Variants in PYHIN1 observed in about 807,000 individuals in gnomAD.
PYHIN1 encodes the protein pyrin and HIN domain-containing protein 1.
PYHIN1 carries 32 observed loss-of-function variants against 43.7 expected under a neutral mutation model. The observed-to-expected ratio is 0.73, with a 90% confidence interval of 0.55 to 0.98. The LOEUF is 0.98. Among genes scored for constraint, PYHIN1 ranks in the 50% least tolerant of loss-of-function variants. The probability of loss-of-function intolerance (pLI) is 0.00; values close to 1 mark genes in which losing one functional copy is unlikely to be tolerated. For synonymous variants in PYHIN1, 205 were observed against 203.1 expected (o/e 1.01, Z -0.08); for missense variants, 588 against 589.5 (o/e 1.00, Z 0.03).
downstream of PYHIN1, among the ~76,000 whole-genome samples, chr1:158,979,807 G>A (rs1239608614): frequency 6.6e-6 from 1 of 151,992 alleles, no homozygotes; most frequent in Non-Finnish European, 1.5e-5. Context: ...TGCTGGGATT[G>A]GCATACAAAT....
Position 158,938,491 on chromosome 1 carries a change from C to T in PYHIN1, c.360C>T (p.Thr120=), listed in dbSNP as rs752959693. 4 of 1,614,094 alleles carry T rather than the reference C, an allele frequency of 2.5e-6. No individual in the cohort carries two copies. Among genetic ancestry groups the T allele is most frequent in the African/African-American group, 1.3e-5 (1 of 74,924 alleles). The change falls in exon 3 of 9, where the codon ACC becomes ACT. Residue 120 remains threonine, a synonymous_variant. Coordinates refer to ENST00000368140, the MANE Select transcript of PYHIN1 (RefSeq NM_152501.5). ...KEVYPATPAC[T]PSNRLTAKGA... is the part of the protein sequence containing the mutation. ...TGTATCCTGCTACACCTGCATGCAC[C>T]CCAAGCAACCGTCTCACAGCTAAAG... is the stretch of plus-strand genomic sequence containing the variant.
Position 158,943,933 on chromosome 1 carries a change from G to A in PYHIN1, c.1146G>A (p.Arg382=). 2 of 1,606,206 alleles carry A rather than the reference G, an allele frequency of 1.2e-6. No homozygotes were observed. Among genetic ancestry groups the A allele is most frequent in the Non-Finnish European group, 1.7e-6 (2 of 1,174,614 alleles). Residue 382 remains arginine, a synonymous_variant, in exon 6 of 9, where the codon AGG becomes AGA. Transcript: ENST00000368140. ...TCTTCTGCTTTCGACTGAGAAAGAG[G>A]GAAAATATGTCAAAACTGATGTCAG... The part of the protein sequence containing the change: ...LRLFCFRLRK[R]ENMSKLMSEM...
chr1:158,980,804 T>C (rs1651458647), downstream of PYHIN1, among the ~76,000 whole-genome samples: 1 of 152,172 alleles, frequency 6.6e-6, no homozygotes, highest in African/African-American at 2.4e-5. Context: ...TATGTGATCT[T>C]TGTTAGACCT....
At chr1:158,968,724 G>A in intron 7 of PYHIN1, among the ~76,000 whole-genome samples, 1 of 151,524 alleles carries the variant, frequency 6.6e-6, no homozygotes, top group East Asian at 1.9e-4. Flanking sequence ...ACTGGATAAA[G>A]AAAGTGTGGC....
the PYHIN1 span, among the ~76,000 whole-genome samples, chr1:158,984,257 T>C: frequency 2.6e-5 from 4 of 152,118 alleles, no homozygotes; most frequent in Non-Finnish European, 5.9e-5. Flanking sequence ...ATTTAAGATA[T>C]TTCTGACTTT....
intron 7 of PYHIN1, among the ~76,000 whole-genome samples, chr1:158,958,198 C>T (rs1190950994): frequency 1.3e-5 from 2 of 151,532 alleles, no homozygotes; most frequent in African/African-American, 2.4e-5. Context: ...GTCAGTGTGG[C>T]GATTCCTCAG....
intron 7 of PYHIN1, among the ~76,000 whole-genome samples, chr1:158,965,232 CTCA>C (rs1287419693): frequency 6.6e-6 from 1 of 152,090 alleles, no homozygotes; most frequent in Non-Finnish European, 1.5e-5. Flanking sequence ...AGCACCTAGA[CTCA>C]TAAAACAAGT....
intron 6 of PYHIN1, among the ~76,000 whole-genome samples, chr1:158,944,648 A>C (rs902714465): frequency 2.0e-5 from 3 of 152,212 alleles, no homozygotes; most frequent in Admixed American, 2.0e-4. Flanking sequence ...TTTCATTTTA[A>C]AAAATAAGTG....
At chr1:158,943,081 C>A (rs1649018907) in intron 5 of PYHIN1, among the ~76,000 whole-genome samples, 1 of 152,160 alleles carries the variant, frequency 6.6e-6, no homozygotes, top group Non-Finnish European at 1.5e-5. Context: ...GACATTCCAA[C>A]TCAGAAAACC....
chr1:158,966,198 G>A (rs1156843644), intron 7 of PYHIN1, among the ~76,000 whole-genome samples: 1 of 152,020 alleles, frequency 6.6e-6, no homozygotes, highest in Non-Finnish European at 1.5e-5. Flanking sequence ...TAACTGAATA[G>A]ACCAATAACA....
chr1:158,971,565 G>A (rs1360588847), intron 7 of PYHIN1, among the ~76,000 whole-genome samples: 1 of 151,946 alleles, frequency 6.6e-6, no homozygotes, highest in Non-Finnish European at 1.5e-5. Flanking sequence ...CTGGAACTGT[G>A]CTTTCAGAGA....
chr1:158,944,008 T>C, intron 6 of PYHIN1, 30 bp downstream of exon 6: 1 of 1,530,782 alleles, frequency 6.5e-7, no homozygotes, highest in Non-Finnish European at 8.9e-7. Flanking sequence ...ATATTAGTTT[T>C]CCAAAGATGA....
At chr1:158,987,562 A>AT in the PYHIN1 span, among the ~76,000 whole-genome samples, 7 of 152,058 alleles carry the variant, frequency 4.6e-5, no homozygotes, top group African/African-American at 1.7e-4. Context: ...TCCAATTTAT[A>AT]TTTTTTTGCT....
intron 7 of PYHIN1, among the ~76,000 whole-genome samples, chr1:158,952,292 C>T (rs1649591194): frequency 1.3e-5 from 2 of 151,970 alleles, no homozygotes; most frequent in African/African-American, 4.8e-5. Flanking sequence ...TGTGAGCTTC[C>T]CCGCTGCCGA....
intron 7 of PYHIN1, among the ~76,000 whole-genome samples, chr1:158,966,473 A>C (rs145528196): frequency 6.6e-6 from 1 of 152,176 alleles, no homozygotes; most frequent in East Asian, 1.9e-4. Context: ...AAAATCCTCA[A>C]AAAAATACAA....
rs894753999 is a variant in PYHIN1, at chr1:158,933,899, A to T, written c.-21+2123A>T. ...GTCTTTTGGCCTGCAGCTTTTTAAA[A>T]TTTTTTTTTAATTTTCTATTGAAAA... On this transcript the variant is annotated intron_variant, in intron 1 of 8. Coordinates refer to ENST00000368140, the MANE Select transcript of PYHIN1 (RefSeq NM_152501.5). This position sits in a 1 kb window ranked among gnomAD's most constrained non-coding sequence, Gnocchi z 6.3. Among the ~76,000 whole-genome samples the T allele has an allele frequency of 5.5e-4, 83 of 151,634 alleles. No homozygotes were observed. Among genetic ancestry groups the T allele is most frequent in the African/African-American group, 1.5e-3 (60 of 41,374 alleles).
At chr1:158,982,916 A>C in the PYHIN1 span, among the ~76,000 whole-genome samples, 1 of 152,010 alleles carries the variant, frequency 6.6e-6, no homozygotes, top group East Asian at 1.9e-4. Flanking sequence ...GAAAGGAACT[A>C]TGTTCTTGGT....
At chr1:158,944,437 C>T (rs1649109238) in intron 6 of PYHIN1, among the ~76,000 whole-genome samples, 1 of 152,206 alleles carries the variant, frequency 6.6e-6, no homozygotes, top group South Asian at 2.1e-4. Context: ...GCACTAGATA[C>T]TACTGCTCTT....
At chr1:158,975,896 A>T (rs567878198) in intron 8 of PYHIN1, among the ~76,000 whole-genome samples, 1 of 152,250 alleles carries the variant, frequency 6.6e-6, no homozygotes, top group African/African-American at 2.4e-5. Context: ...AGAATGACTC[A>T]GACTATTCTA....
Sources: gnomAD v4.1 joint callset for allele counts (sites outside exome capture counted in the v4.1 genomes callset) on GRCh38, gnomAD v4.1.1 for gene constraint, Gnocchi (gnomAD v3.1) non-coding constraint, MANE v1.5 for transcripts, NCBI Gene and HGNC (gene_info 2026-07-23, HGNC 2026-07-21) for gene names.